The following BTN1A1 variants were observed in gnomAD, a reference collection of about 807,000 sequenced individuals.
The protein encoded by BTN1A1 is butyrophilin subfamily 1 member A1.
Under a neutral mutation model 33.1 loss-of-function variants are expected in BTN1A1, and 26 were observed. That is an observed-to-expected ratio of 0.79 (90% confidence interval 0.58 to 1.09). The LOEUF is 1.09. BTN1A1 is among the 50% of genes least tolerant of loss of function. The probability of loss-of-function intolerance (pLI) is 0.00; values close to 1 mark genes in which losing one functional copy is unlikely to be tolerated. For missense variants in BTN1A1, 558 were observed against 655.7 expected (o/e 0.85, Z 1.63); for synonymous variants, 235 against 256.2 (o/e 0.92, Z 0.79).
In BTN1A1 at chr6:26,501,196, G is replaced by A. The variant is rs1304153123; in HGVS notation, c.-57-34G>A. ...CTTTGGAAAGCGGAGGGTTGACAGA[G>A]CCGGTAGTTGTCTCCTGTCCATTCA... is the stretch of plus-strand genomic sequence containing the variant. On this transcript the variant is annotated intron_variant, in intron 1 of 7. Transcript: ENST00000684113. The surrounding 1 kb of genome is among the most constrained non-coding windows in gnomAD (Gnocchi z 5.2). 7.5e-6 allele frequency: 8 copies of A among 1,073,792 alleles called. No homozygotes were observed. The highest frequency in any genetic ancestry group is 2.2e-4 in the Middle Eastern group (1 of 4,566). 66.5% of individuals were successfully genotyped at this position (1,073,792 alleles called of 1,614,324 possible).
chr6:26,509,005 C>T lies in BTN1A1; in HGVS notation c.1412C>T (p.Thr471Ile), dbSNP rs1763909896. Residue 471 changes from threonine (T) to isoleucine (I), a missense_variant, in exon 8 of 8, where the codon ACC (threonine) becomes ATC (isoleucine). Physicochemically the swap from Thr to Ile is moderately conservative, Grantham distance 89. Transcript: ENST00000684113. ...TGGTCTAGCGGTAAAAAGCCCCTGA[C>T]CATCTGCCCAATTGCTGATGGGCCT... ...CLWSSGKKPL[T>I]ICPIADGPER... The T allele has an allele frequency of 6.2e-7, 1 of 1,614,234 alleles. No individual in the cohort carries two copies. Among genetic ancestry groups the T allele is most frequent in the Non-Finnish European group, 8.5e-7 (1 of 1,180,030 alleles).
In BTN1A1 at chr6:26,506,877, G is replaced by C. The variant is rs370255286; in HGVS notation, c.859+45G>C. ...AGGGCTACGTGTCAGGAGTGCTTCAGAGGCAGGCTGGATCCAAGTCCTTTA... is the reference window on the plus strand; with the variant it reads ...AGGGCTACGTGTCAGGAGTGCTTCACAGGCAGGCTGGATCCAAGTCCTTTA... On this transcript the variant is annotated intron_variant, in intron 5 of 7. Coordinates refer to ENST00000684113, the MANE Select transcript of BTN1A1 (RefSeq NM_001732.3). The C allele has an allele frequency of 1.0e-4, 168 of 1,603,172 alleles. 1 individual carries two copies. The South Asian group carries it at 1.1e-3, about 11-fold the overall frequency.
chr6:26,508,475 C>A, intron 7 of BTN1A1, 26 bp from the exon 8 acceptor site: 1 of 1,590,062 alleles, frequency 6.3e-7, no homozygotes. Flanking sequence ...TCACTGATGT[C>A]AGACCTGCTG....
rs1266934815 is a variant in BTN1A1, at chr6:26,509,990, C to G, written c.*816C>G. 6.6e-6 allele frequency: 1 copy of G among 152,350 alleles called. No individual in the cohort carries two copies. The highest frequency in any genetic ancestry group is 2.4e-5 in the African/African-American group (1 of 41,452). The allele number at this position is 152,350 out of a possible 1,614,324, so 9.4% of individuals were successfully genotyped here. On this transcript the variant is annotated 3_prime_UTR_variant, in exon 8 of 8. Transcript: ENST00000684113. ...TGATCCACAAGTTTCCAGTTGTCCT[C>G]TTCTTTTTGTTATAGCATCTCTCTA...
intron 3 of BTN1A1, among the ~76,000 whole-genome samples, chr6:26,504,623 G>A (rs2113891645): frequency 6.6e-6 from 1 of 152,162 alleles, no homozygotes; most frequent in South Asian, 2.1e-4. Flanking sequence ...AAGTAGCTAG[G>A]AATACAGGCA....
At chr6:26,500,818 G>A (rs1477772526) in intron 1 of BTN1A1, among the ~76,000 whole-genome samples, 1 of 152,112 alleles carries the variant, frequency 6.6e-6, no homozygotes, top group Non-Finnish European at 1.5e-5. Flanking sequence ...CGGAGGCTGA[G>A]GCAGAACAAT....
chr6:26,509,633 A>G lies in BTN1A1; in HGVS notation c.*459A>G, dbSNP rs1763917799. 6.3e-6 allele frequency: 1 copy of G among 159,766 alleles called. No individual in the cohort carries two copies. The allele number at this position is 159,766 out of a possible 1,614,324, so 9.9% of individuals were successfully genotyped here. A position where few individuals can be genotyped will look rare whatever the true frequency, so the allele number is the denominator to read the frequency against. ...TCCCATAAAGGAACTTGGAGGGAAT[A>G]TTATGATGGAGGGAAGTGAGGTGAA... On this transcript the variant is annotated 3_prime_UTR_variant, in exon 8 of 8. Coordinates refer to ENST00000684113, the MANE Select transcript of BTN1A1 (RefSeq NM_001732.3).
Position 26,501,338 on chromosome 6 carries a change from C to G in BTN1A1, c.52C>G (p.Leu18Val). Residue 18 changes from leucine (L) to valine (V), a missense_variant, in exon 2 of 8, where the codon CTC becomes GTC. Physicochemically the swap from Leu to Val is conservative, Grantham distance 32. Transcript: ENST00000684113. This position sits in a 1 kb window ranked among gnomAD's most constrained non-coding sequence, Gnocchi z 5.2. Reference protein sequence around the residue: ...GLPRCLLTLILLQLPKLDSAP... With the variant: ...GLPRCLLTLIVLQLPKLDSAP... ...CCCCAGATGTCTGCTCACCCTCATT[C>G]TCCTCCAGCTGCCCAAACTGGATTC... The G allele has an allele frequency of 6.2e-7, 1 of 1,614,178 alleles. No homozygotes were observed. The highest frequency in any genetic ancestry group is 8.5e-7 in the Non-Finnish European group (1 of 1,180,014).
intron 4 of BTN1A1, among the ~76,000 whole-genome samples, chr6:26,505,892 G>A (rs1763863106): frequency 6.6e-6 from 1 of 151,896 alleles, no homozygotes; most frequent in Non-Finnish European, 1.5e-5. Context: ...GCCGAGACAG[G>A]CAGATCACAA....
At chr6:26,507,505 C>T (rs551113686) in intron 5 of BTN1A1, among the ~76,000 whole-genome samples, 10 of 152,236 alleles carry the variant, frequency 6.6e-5, no homozygotes, top group Non-Finnish European at 1.5e-4. Context: ...ATGGGTGGAA[C>T]ACATGAGGCC....
Position 26,508,081 on chromosome 6 carries a change from C to A in BTN1A1, c.901C>A (p.His301Asn). 1 of 1,612,036 alleles carries A rather than the reference C, an allele frequency of 6.2e-7. No homozygotes were observed. The highest frequency in any genetic ancestry group is 1.1e-5 in the South Asian group (1 of 90,692). ...TGCAGAATGGAAAAAGGCTACCTTG[C>A]ATGCAGGTCAGTGGCTCTGAACTTC... ...EELKWKKATLHAVDVTLDPDT... is the reference protein window; with the variant it reads ...EELKWKKATLNAVDVTLDPDT... The change falls in exon 7 of 8, where the codon CAT (histidine) becomes AAT (asparagine). Residue 301 changes from histidine to asparagine, a missense_variant. Physicochemically the swap from His to Asn is moderately conservative, Grantham distance 68 (BLOSUM62 1). Coordinates refer to ENST00000684113, the MANE Select transcript of BTN1A1 (RefSeq NM_001732.3).
chr6:26,508,352 A>C, intron 7 of BTN1A1, 149 bp from the exon 8 acceptor site: 1 of 992,808 alleles, frequency 1.0e-6, no homozygotes, highest in Non-Finnish European at 1.5e-6. Context: ...CCTGTGGTGA[A>C]TGGAGACCCC....
intron 3 of BTN1A1, among the ~76,000 whole-genome samples, chr6:26,504,075 G>A (rs1415076847): frequency 6.6e-6 from 1 of 152,090 alleles, no homozygotes; most frequent in Non-Finnish European, 1.5e-5. Flanking sequence ...CACAAGAAAA[G>A]CAGCTTTATG....
At position 26,501,041 on chromosome 6, in the gene BTN1A1, G is replaced by C. The variant is rs1385285223; in HGVS notation, c.-57-189G>C. On this transcript the variant is annotated intron_variant, in intron 1 of 7. Coordinates refer to ENST00000684113, the MANE Select transcript of BTN1A1 (RefSeq NM_001732.3). This position sits in a 1 kb window ranked among gnomAD's most constrained non-coding sequence, Gnocchi z 5.2. The stretch of plus-strand genomic sequence containing the variant: ...CAGTTCCCTTCTCCTAAGTTTTAGA[G>C]TTAGAGTAGTGGGTGGGAAGGTGAT... Among the ~76,000 whole-genome samples the C allele has an allele frequency of 6.6e-6, 1 of 152,126 alleles. No homozygotes were observed. Among genetic ancestry groups the C allele is most frequent in the East Asian group, 1.9e-4 (1 of 5,204 alleles).
chr6:26,501,510 C>T lies in BTN1A1; in HGVS notation c.80-80C>T. On this transcript the variant is annotated intron_variant, in intron 2 of 7. Coordinates refer to ENST00000684113, the MANE Select transcript of BTN1A1 (RefSeq NM_001732.3). The surrounding 1 kb of genome is among the most constrained non-coding windows in gnomAD (Gnocchi z 5.2). Reference sequence around the variant, plus strand: ...AGGAGTAAGAGAGCGCGGGGCACTGCGCTTTGGCGGGAATCTGGTCGGTGT... The same window carrying T: ...AGGAGTAAGAGAGCGCGGGGCACTGTGCTTTGGCGGGAATCTGGTCGGTGT... The T allele has an allele frequency of 6.3e-7, 1 of 1,590,978 alleles. No homozygotes were observed. The highest frequency in any genetic ancestry group is 8.6e-7 in the Non-Finnish European group (1 of 1,163,926).
chr6:26,502,866 T>C (rs1490764275), intron 3 of BTN1A1, among the ~76,000 whole-genome samples: 1 of 152,140 alleles, frequency 6.6e-6, no homozygotes, highest in African/African-American at 2.4e-5. Context: ...CCTTTTTTGC[T>C]TCAAGCCAGA....
Position 26,501,649 on chromosome 6 carries a change from G to T in BTN1A1, c.139G>T (p.Glu47Ter), listed in dbSNP as rs762435036. The change falls in exon 3 of 8, where the codon GAG becomes TAG. Residue 47 changes from glutamate to a stop codon, truncating the protein, a stop_gained. Coordinates refer to ENST00000684113, the MANE Select transcript of BTN1A1 (RefSeq NM_001732.3). LOFTEE classifies it high-confidence loss of function. This position sits in a 1 kb window ranked among gnomAD's most constrained non-coding sequence, Gnocchi z 5.2. ...CCTGGCCGTTGTGGGTGAGGACGCC[G>T]AGCTGCCCTGTCGCCTGTCTCCGAA... ...PILAVVGEDA[E>*]LPCRLSPNAS... 6.2e-7 allele frequency: 1 copy of T among 1,613,922 alleles called. No individual in the cohort carries two copies. The highest frequency in any genetic ancestry group is 8.5e-7 in the Non-Finnish European group (1 of 1,179,992).
Position 26,504,996 on chromosome 6 carries a change from G to A in BTN1A1, c.499G>A (p.Val167Met). The A allele has an allele frequency of 1.2e-6, 2 of 1,614,200 alleles. No individual in the cohort carries two copies. The highest frequency in any genetic ancestry group is 1.7e-6 in the Non-Finnish European group (2 of 1,180,024). ...NGEICLECTS[V>M]GWYPEPQVQW... ...AGAAATCTGTCTGGAGTGCACCTCA[G>A]TGGGATGGTACCCAGAGCCCCAGGT... is the stretch of plus-strand genomic sequence containing the variant. Residue 167 changes from valine to methionine, a missense_variant, in exon 4 of 8, where the codon GTG becomes ATG. Physicochemically the swap from Val to Met is conservative, Grantham distance 21 (BLOSUM62 1). Coordinates refer to ENST00000684113, the MANE Select transcript of BTN1A1 (RefSeq NM_001732.3).
At position 26,501,951 on chromosome 6, in the gene BTN1A1, T is replaced by C; in HGVS notation, c.427+14T>C. On this transcript the variant is annotated intron_variant, in intron 3 of 7. Transcript: ENST00000684113. This position sits in a 1 kb window ranked among gnomAD's most constrained non-coding sequence, Gnocchi z 5.2. Reference sequence around the variant, plus strand: ...TGAAGGTGGCTGGTGAGTAGACGGGTTTTGACTTTCTCCGACGACTCCCCT... The same window carrying C: ...TGAAGGTGGCTGGTGAGTAGACGGGCTTTGACTTTCTCCGACGACTCCCCT... 1 of 1,537,814 alleles carries C rather than the reference T, an allele frequency of 6.5e-7. No individual in the cohort carries two copies. Among genetic ancestry groups the C allele is most frequent in the South Asian group, 1.3e-5 (1 of 78,470 alleles).
Sources: gnomAD v4.1 joint callset for allele counts (sites outside exome capture counted in the v4.1 genomes callset) on GRCh38, gnomAD v4.1.1 for gene constraint, Gnocchi (gnomAD v3.1) non-coding constraint, MANE v1.5 for transcripts, NCBI Gene and HGNC (gene_info 2026-07-23, HGNC 2026-07-21) for gene names.